Variants in RAB28 observed in about 807,000 individuals in gnomAD.
The protein encoded by RAB28 is ras-related protein Rab-28.
A neutral mutation model predicts 31.7 loss-of-function variants in RAB28; 24 were observed. That is an observed-to-expected ratio of 0.76 (90% CI 0.55 to 1.06). The LOEUF (loss-of-function observed/expected upper bound fraction) is 1.06, where lower values mean the gene tolerates loss of function less well. Ranked by LOEUF, RAB28 falls within the 50% of genes least tolerant of loss-of-function variation. RAB28 has a pLI of 0.00. For missense variants in RAB28, 254 were observed against 258.5 expected (o/e 0.98, Z 0.12); for synonymous variants, 100 against 90.4 (o/e 1.11, Z -0.60).
chr4:13,454,812 T>C (rs1379341130), intron 4 of RAB28, among the ~76,000 whole-genome samples: 1 of 151,978 alleles, frequency 6.6e-6, no homozygotes, highest in East Asian at 1.9e-4. Context: ...CCTGGGGGAG[T>C]ACCTGCCAAG....
At chr4:13,371,878 A>G in intron 6 of RAB28, 1 of 1,528,762 alleles carries the variant, frequency 6.5e-7, no homozygotes, top group Non-Finnish European at 8.9e-7. Context: ...CTAAGAGGAA[A>G]AGAGTTATAT....
chr4:13,368,096 A>G lies in RAB28; in HGVS notation c.*462T>C, dbSNP rs1418390925. On this transcript the variant is annotated 3_prime_UTR_variant, in exon 7 of 7. Coordinates refer to ENST00000330852, the MANE Select transcript of RAB28 (RefSeq NM_001017979.3). ...CTCACGATAGCGAAAGAATGTCTTC[A>G]TAAGTATCTGTAGGTAAAATATATT... 4 of 981,268 alleles carry G rather than the reference A, an allele frequency of 4.1e-6. No individual in the cohort carries two copies. The highest frequency in any genetic ancestry group is 6.1e-5 in the Admixed American group (1 of 16,262). The allele number at this position is 981,268 out of a possible 1,614,324, so 60.8% of individuals were successfully genotyped here. A position where few individuals can be genotyped will look rare whatever the true frequency, so the allele number is the denominator to read the frequency against.
chr4:13,424,759 C>T (rs578133113), intron 4 of RAB28, among the ~76,000 whole-genome samples: 1 of 152,196 alleles, frequency 6.6e-6, no homozygotes. Context: ...GTTAAACCCT[C>T]TTTTTGTAGA....
At position 13,484,191 on chromosome 4, in the gene RAB28, G is replaced by T; in HGVS notation, c.-41C>A. The stretch of plus-strand genomic sequence containing the variant: ...AGGCCCGCCCCTCGAGGTGGGGGGG[G>T]AAGGGAAGGATGAAGGCTCCGGGGG... On this transcript the variant is annotated 5_prime_UTR_variant, in exon 1 of 7. Coordinates refer to ENST00000330852, the MANE Select transcript of RAB28 (RefSeq NM_001017979.3). 2 of 1,521,106 alleles carry T rather than the reference G, an allele frequency of 1.3e-6. No individual in the cohort carries two copies. The highest frequency in any genetic ancestry group is 1.8e-6 in the Non-Finnish European group (2 of 1,117,244). 94.2% of individuals were successfully genotyped at this position (1,521,106 alleles called of 1,614,324 possible).
At chr4:13,433,389 A>G (rs1283291717) in intron 4 of RAB28, among the ~76,000 whole-genome samples, 1 of 152,180 alleles carries the variant, frequency 6.6e-6, no homozygotes. Flanking sequence ...TGGCAAAAAA[A>G]ATTTTGCACA....
intron 4 of RAB28, among the ~76,000 whole-genome samples, chr4:13,394,755 G>A (rs1437784735): frequency 2.0e-5 from 3 of 152,042 alleles, no homozygotes; most frequent in African/African-American, 7.2e-5. Context: ...ACCATTGTAA[G>A]GTTGTAACCA....
intron 4 of RAB28, among the ~76,000 whole-genome samples, chr4:13,383,787 C>T (rs1729240247): frequency 6.6e-6 from 1 of 152,170 alleles, no homozygotes; most frequent in African/African-American, 2.4e-5. Flanking sequence ...TTGCCTGACG[C>T]CATGTAAGGC....
chr4:13,376,796 T>C (rs1020281684), intron 5 of RAB28, among the ~76,000 whole-genome samples, 174 bp from the exon 6 acceptor site: 1 of 152,132 alleles, frequency 6.6e-6, no homozygotes, highest in Non-Finnish European at 1.5e-5. Context: ...AATATAATAA[T>C]TTTTAAATTA....
intron 4 of RAB28, among the ~76,000 whole-genome samples, chr4:13,400,722 TGAA>T (rs1711699584): frequency 6.6e-6 from 1 of 152,308 alleles, no homozygotes; most frequent in Middle Eastern, 3.4e-3. Flanking sequence ...TTTATGAAGT[TGAA>T]GAAGTTTCTT....
In RAB28 at chr4:13,433,000, C is replaced by T. The variant is rs141565713; in HGVS notation, c.391+27699G>A. Among the ~76,000 whole-genome samples the T allele has an allele frequency of 4.7e-3, 691 of 147,596 alleles. 6 individuals are homozygous for T. The highest frequency in any genetic ancestry group is 0.016 in the African/African-American group (656 of 40,222). ...TTGAATTTAAAAAAAAAAAAAGAAA[C>T]GGAATTTAAAGTAACAAGGAACTGA... On this transcript the variant is annotated intron_variant, in intron 4 of 6. Transcript: ENST00000330852.
intron 4 of RAB28, among the ~76,000 whole-genome samples, chr4:13,425,749 T>C (rs1004393386): frequency 6.6e-6 from 1 of 152,224 alleles, no homozygotes; most frequent in Non-Finnish European, 1.5e-5. Context: ...GTACTGTTGC[T>C]TTAGTTGCTT....
intron 4 of RAB28, among the ~76,000 whole-genome samples, chr4:13,398,998 T>A (rs1195327308): frequency 6.6e-6 from 1 of 152,138 alleles, no homozygotes; most frequent in African/African-American, 2.4e-5. Flanking sequence ...TTACACAGCA[T>A]CACACTATTC....
intron 4 of RAB28, among the ~76,000 whole-genome samples, chr4:13,404,613 AC>A (rs983763986): frequency 6.6e-6 from 1 of 152,144 alleles, no homozygotes; most frequent in African/African-American, 2.4e-5. Context: ...TTAATTTCAA[AC>A]CTAGAAATAT....
intron 4 of RAB28, among the ~76,000 whole-genome samples, chr4:13,446,516 T>C (rs957061944): frequency 6.6e-6 from 1 of 152,226 alleles, no homozygotes; most frequent in African/African-American, 2.4e-5. Flanking sequence ...GGTAATCTCC[T>C]GATCCATGGA....
chr4:13,390,822 T>G (rs1729594171), intron 4 of RAB28, among the ~76,000 whole-genome samples: 1 of 152,164 alleles, frequency 6.6e-6, no homozygotes, highest in African/African-American at 2.4e-5. Flanking sequence ...CCCTATTTAA[T>G]AAATGGTGCT....
intron 4 of RAB28, among the ~76,000 whole-genome samples, chr4:13,426,942 G>A (rs747335098): frequency 1.3e-5 from 2 of 152,134 alleles, no homozygotes; most frequent in Admixed American, 6.5e-5. Flanking sequence ...CAAGGCAACT[G>A]CCTAATAAAA....
chr4:13,371,915 T>A (rs1468409479), intron 6 of RAB28: 6 of 1,471,112 alleles, frequency 4.1e-6, no homozygotes, highest in Non-Finnish European at 5.6e-6. Context: ...AACCCTGATA[T>A]TTTCAAAGAG....
intron 5 of RAB28, among the ~76,000 whole-genome samples, chr4:13,379,205 CAAAAAAAAAA>C (rs34341516): frequency 1.7e-5 from 1 of 57,964 alleles, no homozygotes; most frequent in Non-Finnish European, 3.5e-5. Flanking sequence ...AACTCTGTCT[CAAAAAAAAAA>C]AAAAAAAAAA....
chr4:13,480,640 C>T (rs1716567795), intron 1 of RAB28, among the ~76,000 whole-genome samples: 1 of 151,944 alleles, frequency 6.6e-6, no homozygotes, highest in East Asian at 1.9e-4. Flanking sequence ...ATATTTTTCA[C>T]ACAAATGGCA....
Sources: gnomAD v4.1 joint callset for allele counts (sites outside exome capture counted in the v4.1 genomes callset) on GRCh38, gnomAD v4.1.1 for gene constraint, MANE v1.5 for transcripts, NCBI Gene and HGNC (gene_info 2026-07-23, HGNC 2026-07-21) for gene names.